Variants in TRPM2 observed in about 807,000 individuals in gnomAD.
TRPM2 encodes the protein transient receptor potential cation channel subfamily M member 2, also known as estrogen-responsive element-associated gene 1 protein.
TRPM2 carries 161 observed loss-of-function variants against 174.0 expected under a neutral mutation model. The observed-to-expected ratio is 0.93, with a 90% CI of 0.81 to 1.05. The LOEUF (loss-of-function observed/expected upper bound fraction) is 1.05, where lower values mean the gene tolerates loss of function less well. TRPM2 is among the 50% of genes least tolerant of loss of function. The pLI is 0.00. For missense variants in TRPM2, 2,057 were observed against 2,038.0 expected (o/e 1.01, Z -0.18); for synonymous variants, 954 against 861.3 (o/e 1.11, Z -1.88).
chr21:44,428,822 G>T (rs1233114345), intron 27 of TRPM2, among the ~76,000 whole-genome samples: 1 of 150,908 alleles, frequency 6.6e-6, no homozygotes, highest in Non-Finnish European at 1.5e-5. Flanking sequence ...CTGAGGTGTG[G>T]CTCCTCCCCT....
rs776323918 is a variant in TRPM2 at position 44,438,423 on chromosome 21, G to A, written c.4168-644G>A. Among the ~76,000 whole-genome samples, 1 of 152,208 alleles carries A rather than the reference G, an allele frequency of 6.6e-6. No individual in the cohort carries two copies. Among genetic ancestry groups the A allele is most frequent in the African/African-American group, 2.4e-5 (1 of 41,460 alleles). ...CCTCCTGGGTTCCTGGCTCTGTAGGGCACGCACGCTTGAGGGTGGGAGTGT... is the reference window on the plus strand; with the variant it reads ...CCTCCTGGGTTCCTGGCTCTGTAGGACACGCACGCTTGAGGGTGGGAGTGT... On this transcript the variant is annotated intron_variant, in intron 29 of 31. Coordinates refer to ENST00000397928, the MANE Select transcript of TRPM2 (RefSeq NM_003307.4). This position sits in a 1 kb window ranked among gnomAD's most constrained non-coding sequence, Gnocchi z 5.9.
chr21:44,364,715 G>A, intron 3 of TRPM2, among the ~76,000 whole-genome samples: 1 of 152,200 alleles, frequency 6.6e-6, no homozygotes, highest in East Asian at 1.9e-4. Context: ...CAGGATAGCA[G>A]GGAGGCCCAT....
chr21:44,413,798 C>A, intron 19 of TRPM2, 93 bp from the exon 20 acceptor site: 1 of 1,426,078 alleles, frequency 7.0e-7, no homozygotes, highest in African/African-American at 1.4e-5. Flanking sequence ...GGGGACCTGG[C>A]AGTGACTGGA....
Position 44,438,739 on chromosome 21 carries a change from G to A in TRPM2, c.4168-328G>A, listed in dbSNP as rs1282603639. Among the ~76,000 whole-genome samples, 1 of 152,158 alleles carries A rather than the reference G, an allele frequency of 6.6e-6. No homozygotes were observed. The highest frequency in any genetic ancestry group is 6.5e-5 in the Admixed American group (1 of 15,290). On this transcript the variant is annotated intron_variant, in intron 29 of 31. Transcript: ENST00000397928. This position sits in a 1 kb window ranked among gnomAD's most constrained non-coding sequence, Gnocchi z 5.9. ...GGGAGCTGGGAGGGGCGACGCGGGG[G>A]CAGGCGCCAGGGGAGCGGGAAGGGG...
At chr21:44,407,307 G>T (rs1290623713) in intron 19 of TRPM2, among the ~76,000 whole-genome samples, 1 of 148,750 alleles carries the variant, frequency 6.7e-6, no homozygotes, top group South Asian at 2.2e-4. Flanking sequence ...TGTATTTTTT[G>T]TAGAGATGGG....
At chr21:44,401,607 G>A in intron 15 of TRPM2, 74 bp from the exon 16 acceptor site, 5 of 1,495,010 alleles carry the variant, frequency 3.3e-6, no homozygotes, top group Non-Finnish European at 4.6e-6. Context: ...GGGATCACGG[G>A]GTGGCCAAAG....
chr21:44,401,709 C>T lies in TRPM2; in HGVS notation c.2350C>T (p.Pro784Ser). 6.2e-7 allele frequency: 1 copy of T among 1,613,158 alleles called. No individual in the cohort carries two copies. Among genetic ancestry groups the T allele is most frequent in the Non-Finnish European group, 8.5e-7 (1 of 1,179,878 alleles). The change falls in exon 16 of 32, where the codon CCC becomes TCC. Residue 784 changes from proline to serine, a missense_variant. Physicochemically the swap from Pro to Ser is moderately conservative, Grantham distance 74. Coordinates refer to ENST00000397928, the MANE Select transcript of TRPM2 (RefSeq NM_003307.4). ...GAAGAGGCTGCAGGATGTGGGCACCCCCGCGGCCCGCGCCCGTGCCTTCTT... is the reference window on the plus strand; with the variant it reads ...GAAGAGGCTGCAGGATGTGGGCACCTCCGCGGCCCGCGCCCGTGCCTTCTT... ...REKRLQDVGT[P>S]AARARAFFTA...
At chr21:44,383,470 G>C (rs1367764876) in intron 9 of TRPM2, among the ~76,000 whole-genome samples, 1 of 152,212 alleles carries the variant, frequency 6.6e-6, no homozygotes, top group Admixed American at 6.5e-5. Flanking sequence ...GTGGGCCCAG[G>C]CTGGGATCAG....
At chr21:44,415,327 C>T (rs1042147942) in intron 20 of TRPM2, 1 of 152,132 alleles carries the variant, frequency 6.6e-6, no homozygotes, top group African/African-American at 2.4e-5. Flanking sequence ...AGTGGAGGAT[C>T]CTGAGGTGGG....
intron 12 of TRPM2, 48 bp from the exon 13 acceptor site, chr21:44,397,698 TG>T (rs767265484): frequency 6.6e-7 from 1 of 1,508,516 alleles, no homozygotes; most frequent in Non-Finnish European, 8.9e-7. Flanking sequence ...TTCCTCAGGC[TG>T]GGTTGAGCCT....
At position 44,440,898 on chromosome 21, in the gene TRPM2, T is replaced by C. The variant is rs2051476654; in HGVS notation, c.4379T>C (p.Leu1460Pro). 2 of 1,613,654 alleles carry C rather than the reference T, an allele frequency of 1.2e-6. No homozygotes were observed. The highest frequency in any genetic ancestry group is 1.7e-6 in the Non-Finnish European group (2 of 1,179,842). ...QDQNDVELNR[L>P]NSNLHACDSG... ...CAGAATGACGTGGAGCTGAACAGGC[T>C]GAACTCTGTATGTGCCTGGCCTCCC... Residue 1460 changes from leucine (L) to proline (P), a missense_variant, in exon 31 of 32, where the codon CTG becomes CCG. Leu to Pro is a moderately conservative substitution (Grantham distance 98). Coordinates refer to ENST00000397928, the MANE Select transcript of TRPM2 (RefSeq NM_003307.4).
In TRPM2 at chr21:44,435,965, T is replaced by TCCA. The variant is rs1270746080; in HGVS notation, c.4061+749_4061+750insCAC. Among the ~76,000 whole-genome samples, 278 of 121,756 alleles carry TCCA rather than the reference T, an allele frequency of 2.3e-3. 20 individuals carry two copies. Among genetic ancestry groups the TCCA allele is most frequent in the Middle Eastern group, 5.8e-3 (1 of 172 alleles). The allele number at this position is 121,756 out of a possible 152,430, so 79.9% of individuals were successfully genotyped here. A position where few individuals can be genotyped will look rare whatever the true frequency, so the allele number is the denominator to read the frequency against. On this transcript the variant is annotated intron_variant, in intron 28 of 31. Coordinates refer to ENST00000397928, the MANE Select transcript of TRPM2 (RefSeq NM_003307.4). ...CCACACTCACCCCTCAGACTCACTC[T>TCCA]CTACTCCCATCCACAGGGACACAGC...
chr21:44,430,938 A>G (rs73233011), intron 27 of TRPM2, among the ~76,000 whole-genome samples: 33 of 149,200 alleles, frequency 2.2e-4, no homozygotes, highest in Non-Finnish European at 4.9e-4. Flanking sequence ...TCTTTTGAGC[A>G]TTGATATTTA....
At chr21:44,378,606 G>A (rs1012724052) in intron 7 of TRPM2, among the ~76,000 whole-genome samples, 10 of 152,170 alleles carry the variant, frequency 6.6e-5, no homozygotes, top group African/African-American at 2.4e-4. Flanking sequence ...GTCCCTTCCC[G>A]AAGTCCAGCA....
rs138596637 is a variant in TRPM2, at chr21:44,354,034, G to T, written c.165+169G>T. Among the ~76,000 whole-genome samples the T allele has an allele frequency of 6.6e-6, 1 of 152,324 alleles. No individual in the cohort carries two copies. Among genetic ancestry groups the T allele is most frequent in the Non-Finnish European group, 1.5e-5 (1 of 68,024 alleles). On this transcript the variant is annotated intron_variant, in intron 1 of 31. Transcript: ENST00000397928. This position sits in a 1 kb window ranked among gnomAD's most constrained non-coding sequence, Gnocchi z 4.3. ...AACAGAACTGGGGAGGGTGATGCGTGTCTCGTCTTCTGTGGGTTGCATGAC... is the reference window on the plus strand; with the variant it reads ...AACAGAACTGGGGAGGGTGATGCGTTTCTCGTCTTCTGTGGGTTGCATGAC...
chr21:44,415,124 T>C (rs1351687623), intron 20 of TRPM2: 3 of 152,250 alleles, frequency 2.0e-5, no homozygotes, highest in African/African-American at 4.8e-5. Flanking sequence ...TCCCGTGCCA[T>C]TGGGGTCTTC....
chr21:44,378,854 C>T (rs751426503), intron 7 of TRPM2, 143 bp from the exon 8 acceptor site: 100 of 910,626 alleles, frequency 1.1e-4, no homozygotes, highest in South Asian at 7.8e-4. Context: ...GGGGACGCCA[C>T]GAAACTAATA....
rs779557041 is a variant in TRPM2, at chr21:44,413,924, A to G, written c.2996A>G (p.Asn999Ser). Residue 999 changes from asparagine (N) to serine (S), a missense_variant, in exon 20 of 32, where the codon AAT becomes AGT. Transcript: ENST00000397928. ...TTCAACCCGGAGCACTGCAGCCCCA[A>G]TGGCACCGACCCCTACAAGCCTAAG... The part of the protein sequence containing the change: ...VNFNPEHCSP[N>S]GTDPYKPKCP... 16 of 1,613,648 alleles carry G rather than the reference A, an allele frequency of 9.9e-6. No homozygotes were observed. In the South Asian group the frequency reaches 1.2e-4, roughly 12 times the overall value.
intron 9 of TRPM2, among the ~76,000 whole-genome samples, chr21:44,388,670 A>G (rs1302786509): frequency 6.7e-6 from 1 of 150,104 alleles, no homozygotes; most frequent in African/African-American, 2.5e-5. Context: ...AAAAAAAAAA[A>G]ACTAGTCAGG....
Sources: allele counts gnomAD v4.1 joint callset (sites outside exome capture counted in the v4.1 genomes callset), GRCh38; gene constraint gnomAD v4.1.1; non-coding constraint Gnocchi (gnomAD v3.1); transcripts MANE v1.5; gene names NCBI Gene and HGNC (gene_info 2026-07-23, HGNC 2026-07-21).